Variants in PTPRD observed in about 807,000 individuals in gnomAD.
PTPRD encodes the protein protein tyrosine phosphatase receptor type D.
Under a neutral mutation model 214.5 loss-of-function variants are expected in PTPRD, and 34 were observed. That is an observed-to-expected ratio of 0.16 (90% CI 0.12 to 0.21). PTPRD has a LOEUF of 0.21. Ranked by LOEUF, PTPRD falls within the 10% of genes least tolerant of loss-of-function variation. PTPRD has a pLI of 1.00. For missense variants in PTPRD, 2,545 were observed against 2,398.7 expected (o/e 1.06, Z -1.27); for synonymous variants, 1,128 against 845.7 (o/e 1.33, Z -5.79).
intron 3 of PTPRD, among the ~76,000 whole-genome samples, chr9:10,203,366 C>T (rs2099442183): frequency 6.6e-6 from 1 of 151,920 alleles, no homozygotes; most frequent in South Asian, 2.1e-4. Context: ...CTAGTTAACA[C>T]CAGCTGTTAG....
At chr9:10,594,318 C>T (rs1414906750) in intron 2 of PTPRD, among the ~76,000 whole-genome samples, 1 of 151,826 alleles carries the variant, frequency 6.6e-6, no homozygotes, top group East Asian at 1.9e-4. Flanking sequence ...TTTTGCAGTC[C>T]TTATTACTGA....
At chr9:9,926,527 C>A (rs1330622966) in intron 5 of PTPRD, among the ~76,000 whole-genome samples, 1 of 151,380 alleles carries the variant, frequency 6.6e-6, no homozygotes, top group East Asian at 1.9e-4. Context: ...AGAAAAAGAG[C>A]AGAAAAGAGA....
rs144391481 is a variant in PTPRD, at chr9:9,209,015, T to G, written c.-202-25652A>C. Among the ~76,000 whole-genome samples, 1,142 of 151,922 alleles carry G rather than the reference T, an allele frequency of 7.5e-3. 9 individuals are homozygous for G. Among genetic ancestry groups the G allele is most frequent in the Middle Eastern group, 0.044 (13 of 294 alleles). On this transcript the variant is annotated intron_variant, in intron 9 of 45. Coordinates refer to ENST00000381196, the MANE Select transcript of PTPRD (RefSeq NM_002839.4). The stretch of plus-strand genomic sequence containing the variant: ...AGTAGAGACAGGGTTTCACCATGTT[T>G]GCCAGGATGGTCTCGATCTCCTGAC...
Position 9,475,019 on chromosome 9 carries a change from T to A in PTPRD, c.-236-77537A>T, listed in dbSNP as rs1349413572. Among the ~76,000 whole-genome samples the A allele has an allele frequency of 3.3e-4, 50 of 152,240 alleles. 1 individual carries two copies. Among genetic ancestry groups the A allele is most frequent in the Non-Finnish European group, 1.5e-5 (1 of 67,994 alleles). Reference sequence around the variant, plus strand: ...AACAGACCAGCCAATGTAGATGAAGTACAGGCTTTTAAAAATAAAGAATCC... The same window carrying A: ...AACAGACCAGCCAATGTAGATGAAGAACAGGCTTTTAAAAATAAAGAATCC... On this transcript the variant is annotated intron_variant, in intron 8 of 45. Coordinates refer to ENST00000381196, the MANE Select transcript of PTPRD (RefSeq NM_002839.4).
intron 11 of PTPRD, among the ~76,000 whole-genome samples, chr9:8,789,673 C>CA (rs146586303): frequency 5.3e-5 from 8 of 150,486 alleles, no homozygotes; most frequent in East Asian, 2.0e-4. Context: ...TATTGAGGGG[C>CA]AAAAAAAATC....
intron 43 of PTPRD, among the ~76,000 whole-genome samples, chr9:8,333,718 G>A (rs1215671965): frequency 6.6e-6 from 1 of 152,096 alleles, no homozygotes; most frequent in Admixed American, 6.6e-5. Context: ...AACCTTAAAT[G>A]TACATGGACT....
chr9:8,652,626 A>G (rs1434514878), intron 12 of PTPRD, among the ~76,000 whole-genome samples: 2 of 152,220 alleles, frequency 1.3e-5, no homozygotes, highest in Non-Finnish European at 2.9e-5. Flanking sequence ...GAAGCTAAAA[A>G]TACTGTTATA....
intron 27 of PTPRD, 116 bp from the exon 28 acceptor site, chr9:8,486,465 C>G: frequency 1.1e-6 from 1 of 902,746 alleles, no homozygotes; most frequent in Non-Finnish European, 1.8e-6. Flanking sequence ...CTTACCAAAA[C>G]AAAACAAAAC....
intron 11 of PTPRD, among the ~76,000 whole-genome samples, chr9:8,843,994 T>C (rs1158101962): frequency 6.6e-6 from 1 of 152,180 alleles, no homozygotes; most frequent in Admixed American, 6.5e-5. Flanking sequence ...AAAATGGTCA[T>C]CACCCATGAT....
chr9:10,134,634 T>C (rs946878974), intron 3 of PTPRD, among the ~76,000 whole-genome samples: 1 of 151,978 alleles, frequency 6.6e-6, no homozygotes, highest in Non-Finnish European at 1.5e-5. Flanking sequence ...TCTGAAAGCA[T>C]CCAGAAATGA....
chr9:10,543,585 A>G (rs1249836837), intron 2 of PTPRD, among the ~76,000 whole-genome samples: 4 of 152,028 alleles, frequency 2.6e-5, no homozygotes, highest in Admixed American at 2.6e-4. Flanking sequence ...TTCCTGATCT[A>G]TCAGCATTAT....
intron 7 of PTPRD, among the ~76,000 whole-genome samples, chr9:9,576,111 G>T (rs1283888114): frequency 6.6e-6 from 1 of 151,962 alleles, no homozygotes; most frequent in Non-Finnish European, 1.5e-5. Flanking sequence ...TTTAATTGTT[G>T]GTACTGTTTT....
chr9:9,275,193 T>TAAC (rs1300317424), intron 9 of PTPRD, among the ~76,000 whole-genome samples: 38 of 10,952 alleles, frequency 3.5e-3, no homozygotes, highest in African/African-American at 8.1e-3. Flanking sequence ...GTTATATATA[T>TAAC]ATATATTATA....
chr9:10,206,087 C>A (rs973862587), intron 3 of PTPRD, among the ~76,000 whole-genome samples: 1 of 146,590 alleles, frequency 6.8e-6, no homozygotes, highest in Non-Finnish European at 1.5e-5. Flanking sequence ...CATCACAGAG[C>A]GCGTGAAGCT....
intron 2 of PTPRD, among the ~76,000 whole-genome samples, chr9:10,422,269 G>A (rs1381368090): frequency 6.6e-6 from 1 of 152,038 alleles, no homozygotes; most frequent in African/African-American, 2.4e-5. Flanking sequence ...GTAGAAGGCT[G>A]AAACTGGATC....
At chr9:8,516,617 T>C (rs1479158728) in intron 21 of PTPRD, among the ~76,000 whole-genome samples, 1 of 152,120 alleles carries the variant, frequency 6.6e-6, no homozygotes, top group East Asian at 1.9e-4. Context: ...TATTAATTCA[T>C]TGCCAGGATT....
At chr9:10,127,444 C>T (rs1255445494) in intron 3 of PTPRD, among the ~76,000 whole-genome samples, 3 of 151,998 alleles carry the variant, frequency 2.0e-5, no homozygotes, top group African/African-American at 4.8e-5. Context: ...TAGGTTGATC[C>T]TAGAGAGCAA....
At chr9:8,585,703 G>A (rs1418650484) in intron 14 of PTPRD, among the ~76,000 whole-genome samples, 1 of 152,156 alleles carries the variant, frequency 6.6e-6, no homozygotes, top group African/African-American at 2.4e-5. Flanking sequence ...CTATATGAAT[G>A]TCTGCCATGT....
At chr9:8,503,289 T>C (rs2137141576) in intron 23 of PTPRD, among the ~76,000 whole-genome samples, 1 of 152,262 alleles carries the variant, frequency 6.6e-6, no homozygotes, top group South Asian at 2.1e-4. Flanking sequence ...TAGGTCTAAA[T>C]ATGAGGTTAA....
Sources: allele counts gnomAD v4.1 joint callset (sites outside exome capture counted in the v4.1 genomes callset), GRCh38; gene constraint gnomAD v4.1.1; transcripts MANE v1.5; gene names NCBI Gene and HGNC (gene_info 2026-07-23, HGNC 2026-07-21).